Variants in PCDH11X observed in about 807,000 individuals in gnomAD.
PCDH11X encodes the protein protocadherin-11 X-linked.
Under a neutral mutation model 53.3 loss-of-function variants are expected in PCDH11X, and 18 were observed. That is an observed-to-expected ratio of 0.34 (90% CI 0.23 to 0.50). The LOEUF (loss-of-function observed/expected upper bound fraction) is 0.50, where lower values mean the gene tolerates loss of function less well. Among genes scored for constraint, PCDH11X ranks in the 20% least tolerant of loss-of-function variants. The pLI is 0.98. For synonymous variants in PCDH11X, 279 were observed against 393.3 expected (o/e 0.71, Z 3.44); for missense variants, 570 against 1,032.4 (o/e 0.55, Z 6.14).
intron 6 of PCDH11X, among the ~76,000 whole-genome samples, chrX:92,164,517 G>T (rs2065698462): frequency 8.9e-6 from 1 of 112,229 alleles, no homozygotes; most frequent in African/African-American, 3.2e-5. Context: ...TGAAGGCAAG[G>T]TTTGAAGTAA....
At chrX:92,024,366 G>A (rs1449441173) in intron 6 of PCDH11X, among the ~76,000 whole-genome samples, 6 of 110,027 alleles carry the variant, frequency 5.5e-5, no homozygotes, top group South Asian at 7.7e-4. Context: ...CCTATACAAC[G>A]ACAACAGACA....
chrX:92,472,542 A>G (rs1431307809), intron 10 of PCDH11X, among the ~76,000 whole-genome samples: 2 of 108,936 alleles, frequency 1.8e-5, no homozygotes, highest in Non-Finnish European at 3.8e-5. Context: ...GTTTGAAGTC[A>G]GGTAGCATGG....
At chrX:91,982,870 C>T (rs1486597631) in intron 6 of PCDH11X, 147 of 905,434 alleles carry the variant, frequency 1.6e-4, no homozygotes, top group Non-Finnish European at 2.3e-4. Flanking sequence ...CTGTTTCCTG[C>T]TGTCCAGGTG....
chrX:91,883,415 A>G, intron 6 of PCDH11X: 1 of 750,833 alleles, frequency 1.3e-6, no homozygotes, highest in Non-Finnish European at 1.6e-6. Flanking sequence ...CCAAACAAAC[A>G]AAAAACAAAA....
chrX:92,160,339 G>T (rs745682506), intron 6 of PCDH11X, among the ~76,000 whole-genome samples: 7 of 110,500 alleles, frequency 6.3e-5, no homozygotes, highest in Non-Finnish European at 7.6e-5. Context: ...GAGTCCCAAA[G>T]TCTGCTGCAT....
At chrX:92,588,372 G>GTATATATA (rs35507950) in intron 10 of PCDH11X, among the ~76,000 whole-genome samples, 65 of 97,782 alleles carry the variant, frequency 6.6e-4, no homozygotes, top group African/African-American at 2.2e-3. Context: ...GTGTGTGTGT[G>GTATATATA]TATATATATA....
At chrX:92,377,807 G>C (rs1320934764) in intron 8 of PCDH11X, among the ~76,000 whole-genome samples, 1 of 100,885 alleles carries the variant, frequency 9.9e-6, no homozygotes, top group Non-Finnish European at 2.0e-5. Flanking sequence ...TCTAGTAATA[G>C]CAACTAATTA....
intron 9 of PCDH11X, among the ~76,000 whole-genome samples, chrX:92,421,621 A>C (rs1305816810): frequency 3.6e-5 from 4 of 111,959 alleles, no homozygotes; most frequent in African/African-American, 1.3e-4. Context: ...CTTTAGGTAT[A>C]TACCCAATGA....
At chrX:92,476,056 G>A (rs1465782101) in intron 10 of PCDH11X, among the ~76,000 whole-genome samples, 1 of 111,493 alleles carries the variant, frequency 9.0e-6, no homozygotes. Context: ...CCCAGAGGGA[G>A]GTAACTGAAT....
At chrX:92,525,277 A>C (rs2074429556) in intron 10 of PCDH11X, among the ~76,000 whole-genome samples, 1 of 111,304 alleles carries the variant, frequency 9.0e-6, no homozygotes, top group African/African-American at 3.3e-5. Context: ...AGAAGATAAA[A>C]ATAATTCAAT....
intron 8 of PCDH11X, among the ~76,000 whole-genome samples, chrX:92,293,039 C>T (rs2068523586): frequency 9.6e-6 from 1 of 104,506 alleles, no homozygotes; most frequent in South Asian, 4.7e-4. Context: ...TATGTGTGCA[C>T]ATATGCAGGG....
At chrX:91,826,970 G>A (rs759662283) in intron 4 of PCDH11X, among the ~76,000 whole-genome samples, 2 of 111,002 alleles carry the variant, frequency 1.8e-5, no homozygotes, top group East Asian at 2.8e-4. Flanking sequence ...ATTCCTCTGG[G>A]TAGTTACCCA....
chrX:92,026,039 C>T (rs941052526), intron 6 of PCDH11X, among the ~76,000 whole-genome samples: 2 of 110,376 alleles, frequency 1.8e-5, no homozygotes, highest in Non-Finnish European at 3.8e-5. Context: ...GACACTGGGG[C>T]CTACTGGAGG....
At chrX:92,175,780 A>G (rs113522873) in intron 6 of PCDH11X, among the ~76,000 whole-genome samples, 13,764 of 48,398 alleles carry the variant, frequency 0.28, 986 homozygotes, top group East Asian at 0.62. Context: ...GTGTGTGTAT[A>G]TATATACACA....
At chrX:92,029,577 AC>A (rs1338708902) in intron 6 of PCDH11X, among the ~76,000 whole-genome samples, 2 of 111,340 alleles carry the variant, frequency 1.8e-5, no homozygotes, top group Non-Finnish European at 3.8e-5. Context: ...ATGAAAGACT[AC>A]CACACACACT....
intron 1 of PCDH11X, among the ~76,000 whole-genome samples, chrX:91,784,074 G>A (rs1438659253): frequency 8.9e-6 from 1 of 112,191 alleles, no homozygotes; most frequent in Non-Finnish European, 1.9e-5. Flanking sequence ...AGGGCTTGAT[G>A]TCTTGTTACA....
At chrX:92,029,320 A>G (rs1195483506) in intron 6 of PCDH11X, among the ~76,000 whole-genome samples, 15 of 111,352 alleles carry the variant, frequency 1.3e-4, no homozygotes, top group Admixed American at 3.8e-4. Context: ...ATTATTTTAT[A>G]TGCTCGAATC....
At chrX:92,268,831 C>G (rs759178260) in intron 8 of PCDH11X, among the ~76,000 whole-genome samples, 1 of 112,196 alleles carries the variant, frequency 8.9e-6, no homozygotes, top group South Asian at 3.7e-4. Flanking sequence ...CACTTATCAG[C>G]CAGGCACAGT....
chrX:92,211,375 C>A (rs2066583906), intron 7 of PCDH11X, among the ~76,000 whole-genome samples: 1 of 111,616 alleles, frequency 9.0e-6, no homozygotes. Context: ...GGAAACCCGC[C>A]ACCATGATCC....
Sources: allele counts gnomAD v4.1 joint callset (sites outside exome capture counted in the v4.1 genomes callset), GRCh38; gene constraint gnomAD v4.1.1; transcripts MANE v1.5; gene names NCBI Gene and HGNC (gene_info 2026-07-23, HGNC 2026-07-21).